CDH18: variants seen among roughly 807,000 people sequenced by gnomAD.
CDH18 encodes the protein cadherin-18.
A neutral mutation model predicts 67.9 loss-of-function variants in CDH18; 31 were observed. That is an observed-to-expected ratio of 0.46 (90% CI 0.34 to 0.62). CDH18 has a LOEUF of 0.62. Ranked by LOEUF, CDH18 falls within the 20% of genes least tolerant of loss-of-function variation. The pLI is 0.01. For missense variants in CDH18, 890 were observed against 975.5 expected, an observed-to-expected ratio of 0.91 and a Z score of 1.17; for synonymous variants, 362 against 347.2, an observed-to-expected ratio of 1.04 and a Z score of -0.48.
chr5:20,485,322 G>A (rs984955934), intron 1 of CDH18, among the ~76,000 whole-genome samples: 8 of 152,224 alleles, frequency 5.3e-5, no homozygotes, highest in African/African-American at 1.9e-4. Flanking sequence ...AAGATGACAT[G>A]TGTGTAATGT....
intron 6 of CDH18, among the ~76,000 whole-genome samples, chr5:19,604,192 T>C (rs1230726590): frequency 1.3e-5 from 2 of 152,106 alleles, no homozygotes; most frequent in Non-Finnish European, 2.9e-5. Flanking sequence ...TGATTCTAGT[T>C]GCTTTTTAAA....
chr5:19,849,369 C>T (rs1783380888), intron 2 of CDH18, among the ~76,000 whole-genome samples: 1 of 151,398 alleles, frequency 6.6e-6, no homozygotes, highest in Admixed American at 6.6e-5. Flanking sequence ...GATCAGGAGG[C>T]TATAAATAAA....
intron 1 of CDH18, among the ~76,000 whole-genome samples, chr5:20,480,719 T>C (rs889785487): frequency 6.6e-6 from 1 of 152,176 alleles, no homozygotes; most frequent in African/African-American, 2.4e-5. Context: ...AGAGTTTTTA[T>C]TAGTTTTTGC....
intron 2 of CDH18, among the ~76,000 whole-genome samples, chr5:20,008,244 T>C (rs1737097570): frequency 6.6e-6 from 1 of 152,112 alleles, no homozygotes; most frequent in Non-Finnish European, 1.5e-5. Flanking sequence ...AAAAAAAACA[T>C]ATACATGTAG....
chr5:20,554,830 T>G (rs1757813876), intron 1 of CDH18, among the ~76,000 whole-genome samples: 1 of 152,184 alleles, frequency 6.6e-6, no homozygotes, highest in African/African-American at 2.4e-5. Context: ...GATAAGCCAC[T>G]CTACTGTTCT....
chr5:20,525,854 T>G (rs1490913921), intron 1 of CDH18, among the ~76,000 whole-genome samples: 1 of 152,054 alleles, frequency 6.6e-6, no homozygotes, highest in Non-Finnish European at 1.5e-5. Flanking sequence ...CCTTAATTGA[T>G]TCACTCATCC....
chr5:20,096,448 C>T (rs1195065944), intron 2 of CDH18, among the ~76,000 whole-genome samples: 1 of 151,570 alleles, frequency 6.6e-6, no homozygotes, highest in Non-Finnish European at 1.5e-5. Context: ...TAGAGATATG[C>T]AGAAATAATG....
chr5:20,545,306 C>T (rs1403373503), intron 1 of CDH18, among the ~76,000 whole-genome samples: 1 of 152,146 alleles, frequency 6.6e-6, no homozygotes, highest in Admixed American at 6.5e-5. Flanking sequence ...GAATGGTGGG[C>T]CTCTTCTCAC....
At chr5:20,436,328 T>C (rs1217621716) in intron 1 of CDH18, among the ~76,000 whole-genome samples, 1 of 151,984 alleles carries the variant, frequency 6.6e-6, no homozygotes, top group Non-Finnish European at 1.5e-5. Flanking sequence ...AGTGAGGTAT[T>C]ATTTGATTCA....
chr5:20,184,337 T>C (rs917096400), intron 2 of CDH18, among the ~76,000 whole-genome samples: 1 of 152,096 alleles, frequency 6.6e-6, no homozygotes, highest in Non-Finnish European at 1.5e-5. Flanking sequence ...CTGGTGTGAA[T>C]GATAAAATCA....
intron 3 of CDH18, among the ~76,000 whole-genome samples, chr5:19,804,219 G>A (rs1003856641): frequency 4.0e-5 from 6 of 151,394 alleles, no homozygotes; most frequent in African/African-American, 9.7e-5. Context: ...AGAGAATGGC[G>A]TGAAGCCAGG....
chr5:20,085,470 T>C (rs1255406947), intron 2 of CDH18, among the ~76,000 whole-genome samples: 1 of 152,184 alleles, frequency 6.6e-6, no homozygotes, highest in Non-Finnish European at 1.5e-5. Context: ...ATCTGCCTGT[T>C]ACCCAGTTGC....
chr5:19,676,818 C>A (rs916938610), intron 5 of CDH18, among the ~76,000 whole-genome samples: 4 of 151,978 alleles, frequency 2.6e-5, no homozygotes, highest in African/African-American at 4.8e-5. Context: ...AAGAAAGGGG[C>A]CAGCCTATAG....
intron 1 of CDH18, among the ~76,000 whole-genome samples, chr5:20,388,245 A>G (rs1167884192): frequency 6.6e-6 from 1 of 151,762 alleles, no homozygotes; most frequent in Non-Finnish European, 1.5e-5. Context: ...CAATTTCAGA[A>G]CCTGTTATTG....
intron 2 of CDH18, among the ~76,000 whole-genome samples, chr5:19,979,939 G>T (rs1428825070): frequency 6.6e-6 from 1 of 152,090 alleles, no homozygotes; most frequent in Non-Finnish European, 1.5e-5. Flanking sequence ...CTTCAACATA[G>T]TACTGGAAGT....
chr5:20,340,573 G>A (rs975379951), intron 1 of CDH18, among the ~76,000 whole-genome samples: 1 of 152,182 alleles, frequency 6.6e-6, no homozygotes, highest in Admixed American at 6.5e-5. Context: ...GTCCCTGGAG[G>A]TTTAGGTCAC....
intron 11 of CDH18, among the ~76,000 whole-genome samples, chr5:19,488,332 C>G (rs1285128249): frequency 1.3e-5 from 2 of 152,132 alleles, no homozygotes; most frequent in South Asian, 4.1e-4. Flanking sequence ...CAGCAAATTT[C>G]TTTTCTGATA....
intron 12 of CDH18, among the ~76,000 whole-genome samples, chr5:19,477,928 T>C (rs974621724): frequency 5.9e-5 from 9 of 152,152 alleles, no homozygotes. Context: ...TTACATGTCT[T>C]TAGTCTAAAA....
chr5:20,384,274 A>G (rs560068548), intron 1 of CDH18, among the ~76,000 whole-genome samples: 1 of 152,116 alleles, frequency 6.6e-6, no homozygotes, highest in Non-Finnish European at 1.5e-5. Context: ...GCGCCTGGAA[A>G]CCAGCATTCT....
Sources: gnomAD v4.1 joint callset for allele counts (sites outside exome capture counted in the v4.1 genomes callset) on GRCh38, gnomAD v4.1.1 for gene constraint, MANE v1.5 for transcripts, NCBI Gene and HGNC (gene_info 2026-07-23, HGNC 2026-07-21) for gene names.